ZNF628: variants seen among roughly 807,000 people sequenced by gnomAD.
ZNF628 encodes the protein zinc finger protein Zec.
A neutral mutation model predicts 2.5 loss-of-function variants in ZNF628; 3 were observed. The observed-to-expected ratio is 1.19, with a 90% confidence interval of 0.54 to 3.07. The LOEUF is 3.07. Ranked by LOEUF, ZNF628 falls within the 30% of genes most tolerant of loss-of-function variation. ZNF628 has a pLI of 0.03. For missense variants in ZNF628, 1,610 were observed against 1,517.1 expected, an observed-to-expected ratio of 1.06 and a Z score of -1.02; for synonymous variants, 861 against 717.1, an observed-to-expected ratio of 1.20 and a Z score of -3.21.
Position 55,482,328 on chromosome 19 carries a change from G to C in ZNF628, c.1135G>C (p.Gly379Arg), listed in dbSNP as rs1265625355. 4.8e-6 allele frequency: 7 copies of C among 1,458,796 alleles called. No individual in the cohort carries two copies. The highest frequency in any genetic ancestry group is 6.3e-6 in the Non-Finnish European group (7 of 1,111,032). 90.4% of individuals were successfully genotyped at this position (1,458,796 alleles called of 1,614,324 possible). A position where few individuals can be genotyped will look rare whatever the true frequency, so the allele number is the denominator to read the frequency against. The change falls in exon 3 of 3, where the codon GGG becomes CGG. Residue 379 changes from glycine to arginine, a missense_variant. Gly to Arg is a moderately radical substitution (Grantham distance 125). Coordinates refer to ENST00000598519, the MANE Select transcript of ZNF628 (RefSeq NM_033113.3). ...GCTCTCCCGCCACCAGCACAGCCAC[G>C]GGGCTGCCGGCGGGCAAGCGTTCCG... The part of the protein sequence containing the change: ...AGLSRHQHSH[G>R]AAGGQAFRCG...
chr19:55,482,609 C>G lies in ZNF628; in HGVS notation c.1416C>G (p.His472Gln). 1 of 1,606,820 alleles carries G rather than the reference C, an allele frequency of 6.2e-7. No individual in the cohort carries two copies. Among genetic ancestry groups the G allele is most frequent in the Non-Finnish European group, 8.5e-7 (1 of 1,177,826 alleles). ...SFKGSSGLRY[H>Q]LRDHTGERPY... ...AGGGCTCCTCCGGGCTGCGCTACCA[C>G]CTGCGGGACCACACGGGCGAGCGGC... Residue 472 changes from histidine (H) to glutamine (Q), a missense_variant, in exon 3 of 3, where the codon CAC (histidine) becomes CAG (glutamine). Transcript: ENST00000598519.
chr19:55,483,776 G>A lies in ZNF628; in HGVS notation c.2583G>A (p.Glu861=), dbSNP rs1395414761. 3.7e-6 allele frequency: 6 copies of A among 1,613,442 alleles called. No individual in the cohort carries two copies. In the East Asian group the frequency reaches 1.1e-4, roughly 30 times the overall value. Reference sequence around the variant, plus strand: ...CGGTCCAGCTCCAGCCAGCACAGGAGGTGACCACGGTCCAGCTCCAGCCCG... The same window carrying A: ...CGGTCCAGCTCCAGCCAGCACAGGAAGTGACCACGGTCCAGCTCCAGCCCG... ...VTTVQLQPAQ[E]VTTVQLQPVA... is the part of the protein sequence containing the mutation. The change falls in exon 3 of 3, where the codon GAG becomes GAA. Residue 861 remains glutamate, a synonymous_variant. Transcript: ENST00000598519.
intron 2 of ZNF628, 46 bp from the exon 3 acceptor site, chr19:55,481,155 T>C (rs913671916): frequency 2.0e-5 from 30 of 1,465,420 alleles, no homozygotes; most frequent in Non-Finnish European, 2.3e-5. Context: ...GGGGTTGAGA[T>C]GATCCAGTGC....
In ZNF628 at chr19:55,481,352, C is replaced by T. The variant is rs1315671516; in HGVS notation, c.159C>T (p.His53=). 8.1e-6 allele frequency: 13 copies of T among 1,612,740 alleles called. No individual in the cohort carries two copies. Among genetic ancestry groups the T allele is most frequent in the Non-Finnish European group, 6.8e-6 (8 of 1,179,708 alleles). ...KSFRWSSRLL[H]HQRTHTGERP... is the part of the protein sequence containing the mutation. ...TCCGGTGGTCGTCCCGGCTCCTGCA[C>T]CACCAGCGCACGCACACAGGCGAGC... The change falls in exon 3 of 3, where the codon CAC becomes CAT. Residue 53 remains histidine, a synonymous_variant. Transcript: ENST00000598519.
Position 55,482,521 on chromosome 19 carries a change from C to A in ZNF628, c.1328C>A (p.Pro443His). 1 of 1,501,770 alleles carries A rather than the reference C, an allele frequency of 6.7e-7. No homozygotes were observed. Among genetic ancestry groups the A allele is most frequent in the Admixed American group, 2.1e-5 (1 of 47,174 alleles). 93.0% of individuals were successfully genotyped at this position (1,501,770 alleles called of 1,614,324 possible). A position where few individuals can be genotyped will look rare whatever the true frequency, so the allele number is the denominator to read the frequency against. Reference sequence around the variant, plus strand: ...CCTGCCGCCCCCGTCCCGCCGCCACCCCCGTCCGCCCCCGCTTCTGCGGAG... The same window carrying A: ...CCTGCCGCCCCCGTCCCGCCGCCACACCCGTCCGCCCCCGCTTCTGCGGAG... ...LAPAAPVPPPPPSAPASAERP... is the reference protein window; with the variant it reads ...LAPAAPVPPPHPSAPASAERP... The change falls in exon 3 of 3, where the codon CCC becomes CAC. Residue 443 changes from proline (P) to histidine (H), a missense_variant. Transcript: ENST00000598519.
rs1489494296 is a variant in ZNF628 at position 55,482,024 on chromosome 19, C to T, written c.831C>T (p.Pro277=). The T allele has an allele frequency of 3.4e-6, 5 of 1,481,376 alleles. No homozygotes were observed. The highest frequency in any genetic ancestry group is 5.9e-5 in the East Asian group (2 of 34,024). The allele number at this position is 1,481,376 out of a possible 1,614,324, so 91.8% of individuals were successfully genotyped here. A position where few individuals can be genotyped will look rare whatever the true frequency, so the allele number is the denominator to read the frequency against. ...APPAPPPPPP[P]VVPELFLAAA... ...CCGCCCCGCCGCCCCCGCCCCCGCC[C>T]GTGGTGCCTGAGCTCTTTTTGGCGG... Residue 277 remains proline (P), a synonymous_variant, in exon 3 of 3, where the codon CCC becomes CCT. Transcript: ENST00000598519.
In ZNF628 at chr19:55,478,514, G is replaced by C. The variant is rs554341986; in HGVS notation, c.-77-1320G>C. Reference sequence around the variant, plus strand: ...GGATAGCAGTAGGACAAGTCAGGGAGGGGACAGGCTGCAGGAAGTCGGCAG... The same window carrying C: ...GGATAGCAGTAGGACAAGTCAGGGACGGGACAGGCTGCAGGAAGTCGGCAG... On this transcript the variant is annotated intron_variant, in intron 1 of 2. Transcript: ENST00000598519. Among the ~76,000 whole-genome samples, 4 of 152,342 alleles carry C rather than the reference G, an allele frequency of 2.6e-5. 1 individual carries two copies. The South Asian group carries it at 8.3e-4, about 32-fold the overall frequency.
At chr19:55,478,619 G>T (rs945106141) in intron 1 of ZNF628, among the ~76,000 whole-genome samples, 2 of 152,248 alleles carry the variant, frequency 1.3e-5, no homozygotes, top group Non-Finnish European at 2.9e-5. Context: ...GTTCGCTTCA[G>T]TTGCTGTATT....
chr19:55,481,899 TC>T lies in ZNF628; in HGVS notation c.708del (p.Ala237ArgfsTer190). On this transcript the variant is annotated frameshift_variant, in exon 3 of 3. Transcript: ENST00000598519. LOFTEE classifies it low-confidence loss of function (END_TRUNC). Reference sequence around the variant, plus strand: ...CGCCGCCCCCGCCCCGGGTACCGCCTCCGCGGCCCCGCCCCCCCAGTCCCGG... The same window carrying T: ...CGCCGCCCCCGCCCCGGGTACCGCCTCGCGGCCCCGCCCCCCCAGTCCCGG... The part of the protein sequence containing the change: ...HGAAPAPGTA[S>X]AAPPPQSREP... The T allele has an allele frequency of 2.7e-6, 4 of 1,478,724 alleles. No individual in the cohort carries two copies. The highest frequency in any genetic ancestry group is 3.6e-6 in the Non-Finnish European group (4 of 1,119,480). 91.6% of individuals were successfully genotyped at this position (1,478,724 alleles called of 1,614,324 possible). A position where few individuals can be genotyped will look rare whatever the true frequency, so the allele number is the denominator to read the frequency against.
Position 55,483,447 on chromosome 19 carries a change from GCT to G in ZNF628, c.2255_2256del (p.Ala752GlyfsTer133). On this transcript the variant is annotated frameshift_variant, in exon 3 of 3. Coordinates refer to ENST00000598519, the MANE Select transcript of ZNF628 (RefSeq NM_033113.3). LOFTEE classifies it low-confidence loss of function (END_TRUNC). ...CCTGCTGCCCTCCTCCAGTGCTGGGGCTGGGGGCGGCCGTGCAAGGCAGGGCC... is the reference window on the plus strand; with the variant it reads ...CCTGCTGCCCTCCTCCAGTGCTGGGGGGGGGCGGCCGTGCAAGGCAGGGCC... ...LILLPSSSAG[A>X]GGGRARQGPR... 1 of 1,510,412 alleles carries G rather than the reference GCT, an allele frequency of 6.6e-7. No homozygotes were observed. 93.6% of individuals were successfully genotyped at this position (1,510,412 alleles called of 1,614,324 possible).
Position 55,483,046 on chromosome 19 carries a change from C to T in ZNF628, c.1853C>T (p.Ala618Val), listed in dbSNP as rs78991146. 1,213 of 1,611,480 alleles carry T rather than the reference C, an allele frequency of 7.5e-4. 15 individuals carry two copies. In the East Asian group the frequency reaches 0.024, roughly 31 times the overall value. ...CTGCTGCACCAGCGCACGCACTCGG[C>T]GGAGCGCCCCTTCACCTGCCCCATC... Reference protein sequence around the residue: ...NLLLHQRTHSAERPFTCPICG... With the variant: ...NLLLHQRTHSVERPFTCPICG... The change falls in exon 3 of 3, where the codon GCG (alanine) becomes GTG (valine). Residue 618 changes from alanine to valine, a missense_variant. Physicochemically the swap from Ala to Val is moderately conservative, Grantham distance 64. This residue lies in a region of ZNF628 where 712 missense variants were observed against 603.6 expected (regional missense o/e 1.18). Transcript: ENST00000598519.
At chr19:55,478,249 C>T (rs1341599575) in intron 1 of ZNF628, among the ~76,000 whole-genome samples, 1 of 152,056 alleles carries the variant, frequency 6.6e-6, no homozygotes, top group Non-Finnish European at 1.5e-5. Flanking sequence ...GTGATAATTG[C>T]TGCGGGGGAA....
chr19:55,477,837 T>C (rs11673561), intron 1 of ZNF628, among the ~76,000 whole-genome samples: 124,127 of 152,096 alleles, frequency 0.82, 51,427 homozygotes, highest in African/African-American at 0.93. Context: ...TCATTTAAAA[T>C]TTGTTTACTG....
chr19:55,481,149 T>C, intron 2 of ZNF628, 52 bp from the exon 3 acceptor site: 1 of 1,459,906 alleles, frequency 6.8e-7, no homozygotes, highest in Non-Finnish European at 9.0e-7. Context: ...GGGTTTGGGG[T>C]TGAGATGATC....
At chr19:55,481,137 G>T in intron 2 of ZNF628, 64 bp from the exon 3 acceptor site, 4 of 1,450,334 alleles carry the variant, frequency 2.8e-6, no homozygotes, top group South Asian at 2.9e-5. Flanking sequence ...GAGCCCGTGT[G>T]TGGGTTTGGG....
Position 55,483,346 on chromosome 19 carries a change from C to A in ZNF628, c.2153C>A (p.Ala718Asp). 1 of 1,540,252 alleles carries A rather than the reference C, an allele frequency of 6.5e-7. No homozygotes were observed. Among genetic ancestry groups the A allele is most frequent in the South Asian group, 1.2e-5 (1 of 83,632 alleles). ...NSQTFLLVQT[A>D]QGLQLIPSSV... is the part of the protein sequence containing the mutation. The stretch of plus-strand genomic sequence containing the variant: ...CAGACGTTCCTCCTGGTGCAAACTG[C>A]CCAGGGCCTCCAGCTGATCCCCAGC... The change falls in exon 3 of 3, where the codon GCC becomes GAC. Residue 718 changes from alanine (A) to aspartate (D), a missense_variant. Around this residue, in one of 5 missense-constraint regions of ZNF628, gnomAD observed 712 missense variants for 603.6 expected, o/e 1.18. Coordinates refer to ENST00000598519, the MANE Select transcript of ZNF628 (RefSeq NM_033113.3).
In ZNF628 at chr19:55,483,229, A is replaced by G. The variant is rs1460840233; in HGVS notation, c.2036A>G (p.His679Arg). 1.3e-5 allele frequency: 20 copies of G among 1,539,146 alleles called. No individual in the cohort carries two copies. Among genetic ancestry groups the G allele is most frequent in the Non-Finnish European group, 1.7e-5 (20 of 1,148,588 alleles). The change falls in exon 3 of 3, where the codon CAC (histidine) becomes CGC (arginine). Residue 679 changes from histidine (H) to arginine (R), a missense_variant. His to Arg is a conservative substitution (Grantham distance 29). Around this residue, in one of 5 missense-constraint regions of ZNF628, gnomAD observed 712 missense variants for 603.6 expected, o/e 1.18. Transcript: ENST00000598519. ...ARAPPATQDV[H>R]VLPHLQATLS... is the part of the protein sequence containing the mutation. Reference sequence around the variant, plus strand: ...GCCCCGCCAGCCACCCAAGATGTCCACGTCCTGCCCCACCTCCAGGCCACG... The same window carrying G: ...GCCCCGCCAGCCACCCAAGATGTCCGCGTCCTGCCCCACCTCCAGGCCACG...
intron 2 of ZNF628, among the ~76,000 whole-genome samples, chr19:55,480,319 T>C (rs1297474223): frequency 2.0e-5 from 3 of 148,120 alleles, no homozygotes; most frequent in East Asian, 2.0e-4. Flanking sequence ...GATCTCGGCT[T>C]ACTGCAACCT....
Position 55,479,980 on chromosome 19 carries a change from AGGGGGCCG to A in ZNF628, c.7+64_7+71del, listed in dbSNP as rs1236232357. 1.0e-5 allele frequency: 4 copies of A among 398,766 alleles called. No individual in the cohort carries two copies. The highest frequency in any genetic ancestry group is 8.2e-5 in the African/African-American group (4 of 48,530). The allele number at this position is 398,766 out of a possible 1,614,324, so 24.7% of individuals were successfully genotyped here. A position where few individuals can be genotyped will look rare whatever the true frequency, so the allele number is the denominator to read the frequency against. On this transcript the variant is annotated intron_variant, in intron 2 of 2. Transcript: ENST00000598519. The surrounding 1 kb of genome is among the most constrained non-coding windows in gnomAD (Gnocchi z 5.1). ...GTGTGAGCCAGGGAGGGTGATGGTG[AGGGGGCCG>A]CAGATTTTGTGGGCTTGAAGGGAAA...
Sources: allele counts gnomAD v4.1 joint callset (sites outside exome capture counted in the v4.1 genomes callset), GRCh38; gene constraint gnomAD v4.1.1; regional missense constraint gnomAD v4.1.1; non-coding constraint Gnocchi (gnomAD v3.1); transcripts MANE v1.5; gene names NCBI Gene and HGNC (gene_info 2026-07-23, HGNC 2026-07-21).